Variants in HYAL4 observed in about 807,000 individuals in gnomAD.
HYAL4 encodes the protein hyaluronidase 4.
In HYAL4, 37 loss-of-function variants were observed where a neutral mutation model predicts 35.2. The ratio of observed to expected loss-of-function variants is 1.05; its 90% CI spans 0.81 to 1.38. HYAL4 has a LOEUF of 1.38. Ranked by LOEUF, HYAL4 falls within the 40% of genes most tolerant of loss-of-function variation. HYAL4 has a pLI of 0.00. For missense variants in HYAL4, 572 were observed against 572.4 expected, an observed-to-expected ratio of 1.00 and a Z score of 0.01; for synonymous variants, 198 against 203.2, an observed-to-expected ratio of 0.97 and a Z score of 0.22.
chr7:123,833,850 C>T (rs928528677), intron 1 of HYAL4, among the ~76,000 whole-genome samples: 2 of 152,058 alleles, frequency 1.3e-5, no homozygotes, highest in African/African-American at 4.8e-5. Context: ...GTGTCCTTTC[C>T]CCACTTCATG....
At chr7:123,791,055 G>C in the HYAL4 span, among the ~76,000 whole-genome samples, 1 of 152,164 alleles carries the variant, frequency 6.6e-6, no homozygotes, top group African/African-American at 2.4e-5. Flanking sequence ...AGGAGCCACT[G>C]TGCCTGGCCT....
At chr7:123,773,442 T>A in the HYAL4 span, among the ~76,000 whole-genome samples, 1 of 152,254 alleles carries the variant, frequency 6.6e-6, no homozygotes, top group South Asian at 2.1e-4. Flanking sequence ...AATTGCTACC[T>A]GAAATTACAT....
Position 123,869,072 on chromosome 7 carries a change from T to C in HYAL4, c.799T>C (p.Ser267Pro), listed in dbSNP as rs1806793403. 2.5e-6 allele frequency: 4 copies of C among 1,614,070 alleles called. No individual in the cohort carries two copies. The highest frequency in any genetic ancestry group is 1.7e-5 in the Admixed American group (1 of 60,010). ...ALYPSIGVWK[S>P]LGDSENILRF... Reference sequence around the variant, plus strand: ...ATATCCTTCTATCGGTGTCTGGAAATCCCTTGGAGACAGTGAAAACATTTT... The same window carrying C: ...ATATCCTTCTATCGGTGTCTGGAAACCCCTTGGAGACAGTGAAAACATTTT... The change falls in exon 3 of 5, where the codon TCC (serine) becomes CCC (proline). Residue 267 changes from serine to proline, a missense_variant. Physicochemically the swap from Ser to Pro is moderately conservative, Grantham distance 74. Coordinates refer to ENST00000223026, the MANE Select transcript of HYAL4 (RefSeq NM_012269.3).
chr7:123,800,155 T>C, the HYAL4 span, among the ~76,000 whole-genome samples: 10 of 145,742 alleles, frequency 6.9e-5, no homozygotes, highest in African/African-American at 2.5e-4. Flanking sequence ...AAAGAAAGAC[T>C]CTGTGTCAAT....
At chr7:123,786,514 ATT>A in the HYAL4 span, among the ~76,000 whole-genome samples, 7 of 146,534 alleles carry the variant, frequency 4.8e-5, no homozygotes, top group Non-Finnish European at 7.6e-5. Flanking sequence ...CATCAGCTTT[ATT>A]TTTTTTTTTT....
chr7:123,822,109 G>A, the HYAL4 span, among the ~76,000 whole-genome samples: 1 of 152,036 alleles, frequency 6.6e-6, no homozygotes, highest in African/African-American at 2.4e-5. Flanking sequence ...TCTTTCTCAA[G>A]GTTACTTTGG....
intron 2 of HYAL4, among the ~76,000 whole-genome samples, chr7:123,859,264 A>G (rs1356088957): frequency 3.3e-5 from 5 of 152,202 alleles, no homozygotes; most frequent in African/African-American, 9.6e-5. Flanking sequence ...ACATACTTTT[A>G]TCTGTTGTAA....
chr7:123,770,525 A>G, the HYAL4 span, among the ~76,000 whole-genome samples: 1 of 152,014 alleles, frequency 6.6e-6, no homozygotes, highest in Non-Finnish European at 1.5e-5. Flanking sequence ...AAGATAGGTA[A>G]CAAGATGAGT....
the HYAL4 span, among the ~76,000 whole-genome samples, chr7:123,782,297 TC>T: frequency 6.6e-6 from 1 of 152,074 alleles, no homozygotes; most frequent in Non-Finnish European, 1.5e-5. Context: ...GTATTATTCT[TC>T]CCCAACCATA....
At chr7:123,770,634 CAG>C in the HYAL4 span, among the ~76,000 whole-genome samples, 7 of 151,972 alleles carry the variant, frequency 4.6e-5, no homozygotes, top group East Asian at 1.4e-3. Flanking sequence ...TAATTCTGCT[CAG>C]GGGAGCATTA....
the HYAL4 span, among the ~76,000 whole-genome samples, chr7:123,766,161 C>A: frequency 5.3e-5 from 8 of 152,224 alleles, no homozygotes; most frequent in Middle Eastern, 3.4e-3. Context: ...AATGTACATT[C>A]TGTACTGAGG....
intron 2 of HYAL4, among the ~76,000 whole-genome samples, chr7:123,857,315 G>T (rs192548020): frequency 5.3e-5 from 8 of 152,154 alleles, no homozygotes; most frequent in Admixed American, 6.5e-5. Flanking sequence ...GATAGTGTAG[G>T]CACCTGAGGG....
At chr7:123,840,402 G>A (rs1234678723), upstream of HYAL4, among the ~76,000 whole-genome samples, 1 of 152,162 alleles carries the variant, frequency 6.6e-6, no homozygotes, top group Non-Finnish European at 1.5e-5. Flanking sequence ...TTGTAGTATA[G>A]TTTGAAGTCA....
chr7:123,857,841 A>G (rs544629230), intron 2 of HYAL4, among the ~76,000 whole-genome samples: 203 of 152,184 alleles, frequency 1.3e-3, no homozygotes, highest in Non-Finnish European at 2.3e-3. Flanking sequence ...CATCAAGAAC[A>G]TCATCATTTA....
chr7:123,805,095 G>C, the HYAL4 span, among the ~76,000 whole-genome samples: 4 of 152,126 alleles, frequency 2.6e-5, no homozygotes, highest in Admixed American at 6.5e-5. Flanking sequence ...TGAAAAAGTT[G>C]TAAGTCCATT....
At chr7:123,775,716 C>G in the HYAL4 span, among the ~76,000 whole-genome samples, 4 of 152,226 alleles carry the variant, frequency 2.6e-5, no homozygotes, top group Admixed American at 2.6e-4. Flanking sequence ...TAGATGTCAT[C>G]TTTAGATGTC....
At chr7:123,831,950 T>TC (rs1805889301) in intron 1 of HYAL4, among the ~76,000 whole-genome samples, 1 of 152,148 alleles carries the variant, frequency 6.6e-6, no homozygotes. Context: ...GAGCAGCCTT[T>TC]CCTTTTTTTT....
the HYAL4 span, among the ~76,000 whole-genome samples, chr7:123,769,577 T>C: frequency 3.9e-5 from 6 of 152,060 alleles, no homozygotes; most frequent in African/African-American, 9.7e-5. Flanking sequence ...CTCTCTGCAA[T>C]TGGAGCAATA....
chr7:123,864,522 A>C (rs1335442789), intron 2 of HYAL4, among the ~76,000 whole-genome samples: 1 of 152,128 alleles, frequency 6.6e-6, no homozygotes, highest in Non-Finnish European at 1.5e-5. Context: ...GAGAAAGAAA[A>C]GGAAGGTTGC....
Sources: allele counts gnomAD v4.1 joint callset (sites outside exome capture counted in the v4.1 genomes callset), GRCh38; gene constraint gnomAD v4.1.1; transcripts MANE v1.5; gene names NCBI Gene and HGNC (gene_info 2026-07-23, HGNC 2026-07-21).